Variants in GRM5 observed in about 807,000 individuals in gnomAD.
GRM5 encodes the protein glutamate metabotropic receptor 5, also known as metabotropic glutamate receptor 5.
A neutral mutation model predicts 83.1 loss-of-function variants in GRM5; 19 were observed. The ratio of observed to expected loss-of-function variants is 0.23; its 90% CI spans 0.16 to 0.34. The LOEUF (loss-of-function observed/expected upper bound fraction) is 0.34. Ranked by LOEUF, GRM5 falls within the 10% of genes least tolerant of loss-of-function variation. The pLI is 1.00. For missense variants in GRM5, 1,160 were observed against 1,588.3 expected, an observed-to-expected ratio of 0.73 and a Z score of 4.58; for synonymous variants, 675 against 633.6, an observed-to-expected ratio of 1.07 and a Z score of -0.98.
intron 3 of GRM5, among the ~76,000 whole-genome samples, chr11:88,797,238 C>T (rs1943297867): frequency 6.6e-6 from 1 of 152,062 alleles, no homozygotes; most frequent in Admixed American, 6.5e-5. Flanking sequence ...CAACCTCCGC[C>T]TCCTGGGTTC....
intron 4 of GRM5, among the ~76,000 whole-genome samples, chr11:88,619,593 A>T (rs558677643): frequency 6.6e-6 from 1 of 152,262 alleles, no homozygotes; most frequent in South Asian, 2.1e-4. Flanking sequence ...TTGCCTCCTA[A>T]TTTCTTGGGT....
chr11:88,880,023 G>T (rs1334915055), intron 2 of GRM5, among the ~76,000 whole-genome samples: 1 of 152,022 alleles, frequency 6.6e-6, no homozygotes, highest in East Asian at 1.9e-4. Context: ...GGGAATTTCT[G>T]GAGAAATGCT....
intron 2 of GRM5, among the ~76,000 whole-genome samples, chr11:88,980,430 T>C (rs1000744650): frequency 6.6e-6 from 1 of 152,188 alleles, no homozygotes; most frequent in Non-Finnish European, 1.5e-5. Flanking sequence ...TGGTGAAATA[T>C]CTAAAATCTA....
intron 3 of GRM5, among the ~76,000 whole-genome samples, chr11:88,830,087 G>T (rs945294832): frequency 3.3e-5 from 5 of 151,258 alleles, no homozygotes; most frequent in African/African-American, 1.2e-4. Context: ...AAGAGATAAT[G>T]GAAAGAAGAA....
intron 2 of GRM5, among the ~76,000 whole-genome samples, chr11:89,019,571 G>T (rs1232468903): frequency 7.9e-5 from 12 of 151,808 alleles, no homozygotes; most frequent in Non-Finnish European, 1.5e-5. Context: ...TGGTCGTGGT[G>T]GTGGGTGCCT....
At chr11:88,747,012 G>C (rs1250061763) in intron 3 of GRM5, among the ~76,000 whole-genome samples, 1 of 152,056 alleles carries the variant, frequency 6.6e-6, no homozygotes, top group African/African-American at 2.4e-5. Context: ...AAATGAACAA[G>C]ATTCACAAAG....
chr11:88,913,170 A>T (rs577902939), intron 2 of GRM5, among the ~76,000 whole-genome samples: 2 of 152,236 alleles, frequency 1.3e-5, no homozygotes, highest in East Asian at 3.9e-4. Context: ...TTTGTCAATG[A>T]CCATGTTAGA....
chr11:88,788,415 G>A (rs192563943), intron 3 of GRM5, among the ~76,000 whole-genome samples: 195 of 152,246 alleles, frequency 1.3e-3, no homozygotes, highest in African/African-American at 4.6e-3. Flanking sequence ...GCCATGTGAG[G>A]TGTTAAAGCA....
intron 7 of GRM5, among the ~76,000 whole-genome samples, chr11:88,590,098 G>T (rs1937612757): frequency 6.6e-6 from 1 of 152,084 alleles, no homozygotes; most frequent in African/African-American, 2.4e-5. Flanking sequence ...GTAAAATCAA[G>T]TCTTTCCCTG....
chr11:88,942,021 C>T (rs539822754), intron 2 of GRM5, among the ~76,000 whole-genome samples: 1 of 152,024 alleles, frequency 6.6e-6, no homozygotes, highest in African/African-American at 2.4e-5. Flanking sequence ...CAAATATATA[C>T]ACCTTAATTG....
At chr11:89,008,031 G>A (rs192052887) in intron 2 of GRM5, among the ~76,000 whole-genome samples, 72 of 152,216 alleles carry the variant, frequency 4.7e-4, no homozygotes, top group African/African-American at 1.5e-3. Context: ...ACCATTGTAT[G>A]TACTCAGAAA....
intron 3 of GRM5, among the ~76,000 whole-genome samples, chr11:88,798,960 A>G (rs962414676): frequency 6.6e-6 from 1 of 152,020 alleles, no homozygotes; most frequent in African/African-American, 2.4e-5. Flanking sequence ...GTTAAATTAA[A>G]AAGGTATAAA....
At chr11:88,781,597 C>T (rs753108244) in intron 3 of GRM5, among the ~76,000 whole-genome samples, 28 of 152,172 alleles carry the variant, frequency 1.8e-4, no homozygotes, top group Admixed American at 4.6e-4. Context: ...ATTTGATTCT[C>T]ACAAATGGTT....
chr11:88,577,891 G>C (rs756027523), intron 7 of GRM5, among the ~76,000 whole-genome samples: 10 of 152,040 alleles, frequency 6.6e-5, no homozygotes, highest in Non-Finnish European at 2.9e-5. Context: ...GCTTTAGGAG[G>C]GAAGGTGATA....
intron 3 of GRM5, among the ~76,000 whole-genome samples, chr11:88,845,264 CAAG>C: frequency 6.6e-6 from 1 of 151,372 alleles, no homozygotes; most frequent in South Asian, 2.1e-4. Flanking sequence ...AACATTGAGG[CAAG>C]ACCCTCAACT....
chr11:88,637,915 A>T (rs1487229155), intron 4 of GRM5, among the ~76,000 whole-genome samples: 6 of 151,370 alleles, frequency 4.0e-5, no homozygotes, highest in African/African-American at 9.7e-5. Flanking sequence ...CAAATGTCCA[A>T]CAATGATAGA....
At chr11:88,619,451 G>A (rs1266396817) in intron 4 of GRM5, among the ~76,000 whole-genome samples, 1 of 152,102 alleles carries the variant, frequency 6.6e-6, no homozygotes, top group Non-Finnish European at 1.5e-5. Flanking sequence ...CAAATGCTCT[G>A]GACCCTGTCT....
At position 88,505,380 on chromosome 11, in the gene GRM5, G is replaced by A. The variant is rs1941158381; in HGVS notation, c.*3212C>T. 1 of 152,198 alleles carries A rather than the reference G, an allele frequency of 6.6e-6. No homozygotes were observed. The allele number at this position is 152,198 out of a possible 1,614,324, so 9.4% of individuals were successfully genotyped here. ...TTTAATTCCTGGCTTGGAAGTCACA[G>A]AACTGCAGCAGAGCTATTATACAAT... is the stretch of plus-strand genomic sequence containing the variant. On this transcript the variant is annotated 3_prime_UTR_variant, in exon 10 of 10. Coordinates refer to ENST00000305447, the MANE Select transcript of GRM5 (RefSeq NM_001143831.3).
chr11:88,641,991 C>T (rs751631588), intron 4 of GRM5, among the ~76,000 whole-genome samples: 9 of 152,130 alleles, frequency 5.9e-5, no homozygotes, highest in Non-Finnish European at 1.0e-4. Flanking sequence ...GCTCCAAGCC[C>T]ACATTTCCTA....
Sources: allele counts gnomAD v4.1 joint callset (sites outside exome capture counted in the v4.1 genomes callset), GRCh38; gene constraint gnomAD v4.1.1; transcripts MANE v1.5; gene names NCBI Gene and HGNC (gene_info 2026-07-23, HGNC 2026-07-21).